Variants in ARNT2 observed in about 807,000 individuals in gnomAD.
The protein encoded by ARNT2 is ARNT protein 2.
Under a neutral mutation model 91.7 loss-of-function variants are expected in ARNT2, and 36 were observed. The ratio of observed to expected loss-of-function variants is 0.39; its 90% CI spans 0.30 to 0.52. The LOEUF is 0.52. Ranked by LOEUF, ARNT2 falls within the 20% of genes least tolerant of loss-of-function variation. The probability of loss-of-function intolerance (pLI) is 0.72; values close to 1 mark genes in which losing one functional copy is unlikely to be tolerated. For synonymous variants in ARNT2, 365 were observed against 347.1 expected, an observed-to-expected ratio of 1.05 and a Z score of -0.57; for missense variants, 775 against 939.3, an observed-to-expected ratio of 0.83 and a Z score of 2.29.
chr15:80,564,560 A>G lies in ARNT2; in HGVS notation c.1316+1321A>G, dbSNP rs144350260. Among the ~76,000 whole-genome samples the G allele has an allele frequency of 4.8e-3, 724 of 152,170 alleles. 10 individuals carry two copies. Among genetic ancestry groups the G allele is most frequent in the Admixed American group, 0.029 (437 of 15,282 alleles). On this transcript the variant is annotated intron_variant, in intron 12 of 18. Transcript: ENST00000303329. ...TTTTAATTTTAGATTCAGGGGTTAC[A>G]TATGCAGGTTTGTTACATGGATATA...
intron 5 of ARNT2, among the ~76,000 whole-genome samples, chr15:80,492,664 C>A (rs2141412675): frequency 6.6e-6 from 1 of 152,126 alleles, no homozygotes; most frequent in Non-Finnish European, 1.5e-5. Context: ...ATTATATTTA[C>A]CTCCTTTCCC....
chr15:80,580,338 G>T, intron 15 of ARNT2, 73 bp from the exon 16 acceptor site: 1 of 1,570,386 alleles, frequency 6.4e-7, no homozygotes. Flanking sequence ...GGCAGATTGT[G>T]TGGTTGGCTG....
At chr15:80,588,195 C>G (rs1893210403) in intron 17 of ARNT2, among the ~76,000 whole-genome samples, 1 of 152,094 alleles carries the variant, frequency 6.6e-6, no homozygotes, top group East Asian at 1.9e-4. Context: ...GTTTATCATC[C>G]CTAGCTCTTC....
chr15:80,540,859 G>A (rs550800387), intron 8 of ARNT2, among the ~76,000 whole-genome samples: 1 of 151,964 alleles, frequency 6.6e-6, no homozygotes, highest in East Asian at 1.9e-4. Flanking sequence ...AGTATTCCAC[G>A]GTGTATATGT....
At chr15:80,442,907 T>C (rs186583697) in intron 1 of ARNT2, 1 of 985,496 alleles carries the variant, frequency 1.0e-6, no homozygotes, top group East Asian at 1.1e-4. Context: ...ACACACTATT[T>C]TGAGGCAGTG....
chr15:80,454,264 C>A (rs1896448635), intron 2 of ARNT2, among the ~76,000 whole-genome samples: 1 of 151,972 alleles, frequency 6.6e-6, no homozygotes, highest in Admixed American at 6.6e-5. Flanking sequence ...GGGGGCTTCA[C>A]TGGGGCAAAT....
At chr15:80,491,910 C>T (rs1454389904) in intron 5 of ARNT2, among the ~76,000 whole-genome samples, 3 of 149,552 alleles carry the variant, frequency 2.0e-5, no homozygotes, top group Non-Finnish European at 4.4e-5. Flanking sequence ...GGCTGAATCA[C>T]AGTACCTTCA....
At chr15:80,571,336 T>C (rs1411659018) in intron 12 of ARNT2, among the ~76,000 whole-genome samples, 1 of 152,184 alleles carries the variant, frequency 6.6e-6, no homozygotes, top group Non-Finnish European at 1.5e-5. Context: ...ATTTGCTTCT[T>C]AGGAGCTGAG....
intron 4 of ARNT2, among the ~76,000 whole-genome samples, chr15:80,472,517 T>C (rs1896745693): frequency 6.6e-6 from 1 of 152,224 alleles, no homozygotes; most frequent in African/African-American, 2.4e-5. Context: ...TTACTGTCTG[T>C]TCTGTGGCAG....
At chr15:80,590,005 C>T (rs1283143578) in intron 17 of ARNT2, among the ~76,000 whole-genome samples, 3 of 152,058 alleles carry the variant, frequency 2.0e-5, no homozygotes, top group Non-Finnish European at 2.9e-5. Flanking sequence ...ATTAAAGGGA[C>T]CTTATGCATT....
intron 3 of ARNT2, among the ~76,000 whole-genome samples, chr15:80,463,001 A>T (rs920775547): frequency 3.3e-5 from 5 of 152,176 alleles, no homozygotes; most frequent in African/African-American, 1.2e-4. Flanking sequence ...AGTAGGTATC[A>T]TGACCAAAAC....
chr15:80,559,043 T>G (rs1440679461), intron 11 of ARNT2, among the ~76,000 whole-genome samples: 1 of 152,082 alleles, frequency 6.6e-6, no homozygotes, highest in Non-Finnish European at 1.5e-5. Flanking sequence ...CACTGGGAGG[T>G]GCAGTTGCCT....
chr15:80,510,442 T>TA (rs1184174736), intron 6 of ARNT2, among the ~76,000 whole-genome samples: 8 of 150,530 alleles, frequency 5.3e-5, no homozygotes, highest in Admixed American at 2.0e-4. Flanking sequence ...CAATCATATA[T>TA]AAAAAAAAAG....
intron 8 of ARNT2, among the ~76,000 whole-genome samples, chr15:80,518,508 T>C (rs984582839): frequency 2.6e-5 from 4 of 152,254 alleles, no homozygotes; most frequent in Middle Eastern, 3.4e-3. Context: ...CTCAATCTCC[T>C]GACCTGGTGA....
Position 80,513,990 on chromosome 15 carries a change from C to T in ARNT2, c.791+14C>T. ...GAAAAGGTTCAGGTCAGTATCTCTT[C>T]CGATGTATATTTTGGGACTGTTCTG... On this transcript the variant is annotated intron_variant, in intron 7 of 18. Transcript: ENST00000303329. 1.2e-6 allele frequency: 2 copies of T among 1,606,584 alleles called. No individual in the cohort carries two copies. Among genetic ancestry groups the T allele is most frequent in the South Asian group, 1.1e-5 (1 of 90,874 alleles).
At chr15:80,558,636 G>A (rs1021228110) in intron 11 of ARNT2, among the ~76,000 whole-genome samples, 4 of 152,110 alleles carry the variant, frequency 2.6e-5, no homozygotes, top group Non-Finnish European at 2.9e-5. Context: ...TACCGTGCCC[G>A]GCCTTCATGT....
intron 18 of ARNT2, among the ~76,000 whole-genome samples, chr15:80,593,320 T>C (rs4778833): frequency 0.012 from 1,800 of 152,358 alleles, 29 homozygotes; most frequent in African/African-American, 0.03. Context: ...AGTGGGGTTC[T>C]CGTCTACCCT....
chr15:80,457,139 C>T (rs1261528400), intron 2 of ARNT2, among the ~76,000 whole-genome samples: 1 of 152,222 alleles, frequency 6.6e-6, no homozygotes, highest in African/African-American at 2.4e-5. Context: ...ATTACCATTA[C>T]AGAGACATGA....
At chr15:80,444,389 G>A (rs188133071) in intron 1 of ARNT2, 299 of 152,324 alleles carry the variant, frequency 2.0e-3, no homozygotes, top group Non-Finnish European at 2.5e-3. Flanking sequence ...TGTGGTGTGA[G>A]AGAGGTGTCT....
Sources: allele counts gnomAD v4.1 joint callset (sites outside exome capture counted in the v4.1 genomes callset), GRCh38; gene constraint gnomAD v4.1.1; transcripts MANE v1.5; gene names NCBI Gene and HGNC (gene_info 2026-07-23, HGNC 2026-07-21).